CLIC5: variants seen among roughly 807,000 people sequenced by gnomAD.
The protein encoded by CLIC5 is chloride intracellular channel protein 5.
A neutral mutation model predicts 24.7 loss-of-function variants in CLIC5; 20 were observed. That is an observed-to-expected ratio of 0.81 (90% CI 0.57 to 1.18). The LOEUF (loss-of-function observed/expected upper bound fraction) is 1.18, where lower values mean the gene tolerates loss of function less well. Ranked by LOEUF, CLIC5 falls within the 50% of genes most tolerant of loss-of-function variation. CLIC5 has a pLI of 0.00. For synonymous variants in CLIC5, 159 were observed against 135.6 expected (o/e 1.17, Z -1.20); for missense variants, 341 against 326.1 (o/e 1.05, Z -0.35).
chr6:45,913,106 G>A (rs2127307656), intron 5 of CLIC5, among the ~76,000 whole-genome samples: 1 of 152,286 alleles, frequency 6.6e-6, no homozygotes, highest in South Asian at 2.1e-4. Flanking sequence ...GAAATAAACT[G>A]GATATCGTAA....
upstream of CLIC5, chr6:46,080,385 T>C (rs75061436): frequency 4.5e-4 from 285 of 638,960 alleles, no homozygotes; most frequent in African/African-American, 4.1e-3. Flanking sequence ...CAATGACAGG[T>C]CTCTAACAAT....
At chr6:45,894,057 AAG>A (rs1278428480), downstream of CLIC5, among the ~76,000 whole-genome samples, 1 of 151,918 alleles carries the variant, frequency 6.6e-6, no homozygotes, top group African/African-American at 2.4e-5. Context: ...ACTTGTGTCT[AAG>A]AGAGAGAGAA....
intron 4 of CLIC5, among the ~76,000 whole-genome samples, chr6:45,922,823 A>AAAAG (rs1554145920): frequency 2.8e-5 from 4 of 140,718 alleles, no homozygotes; most frequent in African/African-American, 8.2e-5. Flanking sequence ...GAGAGAGAGA[A>AAAAG]AGAGAGAGAG....
At chr6:45,931,131 G>T (rs1391022967) in intron 4 of CLIC5, among the ~76,000 whole-genome samples, 1 of 152,204 alleles carries the variant, frequency 6.6e-6, no homozygotes, top group South Asian at 2.1e-4. Flanking sequence ...TTGGAACACA[G>T]CCCTATTTAT....
At chr6:46,061,690 A>G (rs910049235) in intron 1 of CLIC5, among the ~76,000 whole-genome samples, 1 of 152,218 alleles carries the variant, frequency 6.6e-6, no homozygotes, top group African/African-American at 2.4e-5. Flanking sequence ...GGATTTTGAC[A>G]GCTTTATGGA....
chr6:46,012,254 T>C (rs1766834178), intron 1 of CLIC5, among the ~76,000 whole-genome samples: 1 of 152,184 alleles, frequency 6.6e-6, no homozygotes, highest in South Asian at 2.1e-4. Flanking sequence ...GTGAGGCTCC[T>C]GAAAGTTAAA....
At chr6:46,018,039 A>G (rs1767070072), upstream of CLIC5, among the ~76,000 whole-genome samples, 1 of 152,192 alleles carries the variant, frequency 6.6e-6, no homozygotes, top group Non-Finnish European at 1.5e-5. Flanking sequence ...TCACCTTCAC[A>G]GCTGTACATT....
intron 1 of CLIC5, among the ~76,000 whole-genome samples, chr6:45,998,523 C>T (rs868056428): frequency 6.6e-6 from 1 of 152,198 alleles, no homozygotes; most frequent in Non-Finnish European, 1.5e-5. Context: ...TTTCTATGGA[C>T]CTGGCAACAA....
chr6:46,096,021 A>G, the CLIC5 span, among the ~76,000 whole-genome samples: 5 of 152,250 alleles, frequency 3.3e-5, no homozygotes, highest in Non-Finnish European at 7.3e-5. Context: ...CAATATATAC[A>G]GGAAGCATGG....
the CLIC5 span, among the ~76,000 whole-genome samples, chr6:46,097,606 T>C: frequency 6.6e-6 from 1 of 152,196 alleles, no homozygotes; most frequent in Non-Finnish European, 1.5e-5. Context: ...CAACATGGTC[T>C]AAGGTTGCCA....
At chr6:46,073,208 TTAAG>T (rs1762667167) in intron 1 of CLIC5, among the ~76,000 whole-genome samples, 1 of 152,182 alleles carries the variant, frequency 6.6e-6, no homozygotes, top group African/African-American at 2.4e-5. Context: ...AGCACTCTAA[TTAAG>T]TGAGTCCAGC....
the CLIC5 span, among the ~76,000 whole-genome samples, chr6:46,109,202 C>A: frequency 6.6e-6 from 1 of 151,964 alleles, no homozygotes. Flanking sequence ...TACTTTTTCT[C>A]GAAGAATGGT....
intron 1 of CLIC5, among the ~76,000 whole-genome samples, chr6:45,969,867 C>A (rs922133236): frequency 6.9e-6 from 1 of 145,674 alleles, no homozygotes; most frequent in Non-Finnish European, 1.5e-5. Flanking sequence ...CACACTCCTA[C>A]GACAGGTCCT....
At chr6:45,995,394 T>G (rs1766096758) in intron 1 of CLIC5, among the ~76,000 whole-genome samples, 1 of 152,240 alleles carries the variant, frequency 6.6e-6, no homozygotes, top group Non-Finnish European at 1.5e-5. Context: ...TTTCACTCAG[T>G]GAGAAGCCTT....
chr6:46,021,291 G>C (rs1362775151), intron 1 of CLIC5, among the ~76,000 whole-genome samples: 1 of 152,088 alleles, frequency 6.6e-6, no homozygotes, highest in East Asian at 1.9e-4. Context: ...GTGTGAGCAA[G>C]AATACAGAGC....
chr6:46,034,022 TAAACA>T (rs1767594083), intron 1 of CLIC5, among the ~76,000 whole-genome samples: 1 of 152,166 alleles, frequency 6.6e-6, no homozygotes, highest in Non-Finnish European at 1.5e-5. Context: ...TAGTATAACA[TAAACA>T]AAACAAACAC....
At chr6:46,015,421 G>C (rs1011482563) in intron 1 of CLIC5, 59 bp downstream of exon 1, 195 of 1,452,312 alleles carry the variant, frequency 1.3e-4, no homozygotes, top group Non-Finnish European at 1.7e-4. Context: ...CCCGAGCCCT[G>C]GTGGGTGAGC....
chr6:46,076,288 C>T (rs1487347618), intron 1 of CLIC5, among the ~76,000 whole-genome samples: 4 of 152,258 alleles, frequency 2.6e-5, no homozygotes, highest in African/African-American at 7.2e-5. Context: ...CTTACCGTCA[C>T]TCTCCATCCG....
intron 5 of CLIC5, 149 bp downstream of exon 5, chr6:45,914,079 G>T: frequency 1.8e-6 from 1 of 544,430 alleles, no homozygotes; most frequent in Non-Finnish European, 2.9e-6. Flanking sequence ...CCAACAAGCA[G>T]CAGAGGGTGA....
Sources: allele counts gnomAD v4.1 joint callset (sites outside exome capture counted in the v4.1 genomes callset), GRCh38; gene constraint gnomAD v4.1.1; transcripts MANE v1.5; gene names NCBI Gene and HGNC (gene_info 2026-07-23, HGNC 2026-07-21).